USH2A: variants seen among roughly 807,000 people sequenced by gnomAD.
USH2A encodes the protein usherin.
A neutral mutation model predicts 538.9 loss-of-function variants in USH2A; 443 were observed. The observed-to-expected ratio is 0.82, with a 90% CI of 0.76 to 0.89. USH2A has a LOEUF of 0.89. Ranked by LOEUF, USH2A falls within the 40% of genes least tolerant of loss-of-function variation. The probability of loss-of-function intolerance (pLI) is 0.00; values close to 1 mark genes in which losing one functional copy is unlikely to be tolerated. For synonymous variants in USH2A, 2,413 were observed against 2,273.5 expected (o/e 1.06, Z -1.75); for missense variants, 6,633 against 6,324.8 (o/e 1.05, Z -1.65).
chr1:215,702,323 C>G (rs1389226278), intron 61 of USH2A, among the ~76,000 whole-genome samples: 1 of 152,052 alleles, frequency 6.6e-6, no homozygotes, highest in African/African-American at 2.4e-5. Context: ...TGAGGAGTAT[C>G]TTTGTAGTGT....
chr1:216,310,954 G>A (rs1558032488), intron 9 of USH2A, among the ~76,000 whole-genome samples: 1 of 152,124 alleles, frequency 6.6e-6, no homozygotes, highest in African/African-American at 2.4e-5. Context: ...TATAGGGGGC[G>A]CTTTAAGCCC....
intron 4 of USH2A, among the ~76,000 whole-genome samples, chr1:216,361,527 A>C (rs1260485650): frequency 6.6e-6 from 1 of 152,162 alleles, no homozygotes; most frequent in Non-Finnish European, 1.5e-5. Context: ...CATATTCAAA[A>C]TATGGAAGAC....
chr1:216,365,113 T>G, intron 3 of USH2A, 28 bp from the exon 4 acceptor site: 1 of 1,599,290 alleles, frequency 6.3e-7, no homozygotes, highest in Non-Finnish European at 8.5e-7. Context: ...CATTATTAGT[T>G]TAAGTGCATA....
At chr1:216,211,919 C>T (rs1215600507) in intron 15 of USH2A, among the ~76,000 whole-genome samples, 1 of 152,038 alleles carries the variant, frequency 6.6e-6, no homozygotes, top group Non-Finnish European at 1.5e-5. Flanking sequence ...GCCTCATTTA[C>T]AGCACTCTCA....
intron 20 of USH2A, among the ~76,000 whole-genome samples, chr1:216,177,292 AT>A (rs2034407056): frequency 6.6e-6 from 1 of 151,910 alleles, no homozygotes; most frequent in East Asian, 1.9e-4. Flanking sequence ...TTTAATTTGC[AT>A]TTCCCTTTAT....
rs537448174 is a variant in USH2A, at chr1:216,107,126, AATGT to A, written c.4628-9917_4628-9914del. Among the ~76,000 whole-genome samples the A allele has an allele frequency of 2.2e-3, 327 of 152,008 alleles. 2 individuals carry two copies. The highest frequency in any genetic ancestry group is 3.6e-3 in the Non-Finnish European group (247 of 67,784). ...ATAGCTATTTTCCAGTTTTGTATAG[AATGT>A]ACAATAACTGTCACTGAAGTTTGTT... On this transcript the variant is annotated intron_variant, in intron 21 of 71. Transcript: ENST00000307340.
intron 37 of USH2A, among the ~76,000 whole-genome samples, chr1:215,951,840 G>GTTTATTTTTTTTATTT (rs1338456798): frequency 6.6e-6 from 1 of 151,686 alleles, no homozygotes; most frequent in Admixed American, 6.6e-5. Flanking sequence ...ATCTTTGTTG[G>GTTTATTTTTTTTATTT]TTTATTTTTT....
At chr1:215,769,193 G>A (rs1311306502) in intron 55 of USH2A, among the ~76,000 whole-genome samples, 1 of 152,106 alleles carries the variant, frequency 6.6e-6, no homozygotes, top group Admixed American at 6.6e-5. Flanking sequence ...ATGTAAATAT[G>A]GTAGCTAAAA....
At chr1:216,120,352 C>T (rs982553145) in intron 21 of USH2A, among the ~76,000 whole-genome samples, 33 of 146,704 alleles carry the variant, frequency 2.2e-4, no homozygotes, top group African/African-American at 7.9e-4. Flanking sequence ...CTGGCCAACA[C>T]GGTGAAACCC....
At chr1:215,937,023 T>A (rs1431979126) in intron 37 of USH2A, among the ~76,000 whole-genome samples, 1 of 152,088 alleles carries the variant, frequency 6.6e-6, no homozygotes, top group Non-Finnish European at 1.5e-5. Context: ...AAATCTACTG[T>A]TACAAAATAC....
At position 216,335,736 on chromosome 1, in the gene USH2A, A is replaced by T. The variant is rs2037957052; in HGVS notation, c.785-8082T>A. 3.3e-5 allele frequency among the ~76,000 whole-genome samples: 5 copies of T among 151,556 alleles called. No individual in the cohort carries two copies. In the South Asian group the frequency reaches 1.0e-3, roughly 31 times the overall value. On this transcript the variant is annotated intron_variant, in intron 4 of 71. Transcript: ENST00000307340. ...AAACTGACTTAAGAAGAAATTAGCAATCTGAATAGATCTATACCACTAAAA... is the reference window on the plus strand; with the variant it reads ...AAACTGACTTAAGAAGAAATTAGCATTCTGAATAGATCTATACCACTAAAA...
chr1:215,732,919 C>T (rs2102718093), intron 60 of USH2A, among the ~76,000 whole-genome samples: 1 of 152,156 alleles, frequency 6.6e-6, no homozygotes, highest in South Asian at 2.1e-4. Context: ...AAAGTCTTTT[C>T]CTTGCTTTTC....
intron 37 of USH2A, among the ~76,000 whole-genome samples, chr1:215,964,949 T>G (rs1667300720): frequency 6.6e-6 from 1 of 152,206 alleles, no homozygotes; most frequent in Admixed American, 6.6e-5. Context: ...CACGATGTTT[T>G]AGGTTTGAAC....
At chr1:215,891,608 T>C (rs1469845540) in intron 40 of USH2A, among the ~76,000 whole-genome samples, 1 of 152,216 alleles carries the variant, frequency 6.6e-6, no homozygotes, top group Non-Finnish European at 1.5e-5. Flanking sequence ...TAGCTATCAC[T>C]TTCTAAAGTA....
intron 15 of USH2A, among the ~76,000 whole-genome samples, chr1:216,215,017 A>G (rs1572057934): frequency 6.6e-6 from 1 of 152,238 alleles, no homozygotes; most frequent in Non-Finnish European, 1.5e-5. Context: ...TGAAAGCATG[A>G]TACCAATATT....
intron 61 of USH2A, 115 bp from the exon 62 acceptor site, chr1:215,680,491 A>ACG: frequency 1.0e-6 from 1 of 960,844 alleles, no homozygotes; most frequent in East Asian, 2.4e-5. Context: ...AGCAGCGCAA[A>ACG]CACTACAGCA....
Position 215,674,937 on chromosome 1 carries a change from G to T in USH2A, c.12974C>A (p.Pro4325His). The change falls in exon 63 of 72, where the codon CCT becomes CAT. Residue 4325 changes from proline to histidine, a missense_variant. By Grantham distance (77) the Pro-to-His change is moderately conservative (BLOSUM62 -2). Coordinates refer to ENST00000307340, the MANE Select transcript of USH2A (RefSeq NM_206933.4). The part of the protein sequence containing the change: ...TFNYTDEELL[P>H]FSTYSYALQA... Reference sequence around the variant, plus strand: ...GAGTGCATAGCTATAGGTGGAAAAAGGAAGAAGCTCTTCATCAGTGTAATT... The same window carrying T: ...GAGTGCATAGCTATAGGTGGAAAAATGAAGAAGCTCTTCATCAGTGTAATT... 6.2e-7 allele frequency: 1 copy of T among 1,614,140 alleles called. No homozygotes were observed. The highest frequency in any genetic ancestry group is 1.3e-5 in the African/African-American group (1 of 75,032).
chr1:216,360,743 T>C (rs974454793), intron 4 of USH2A, among the ~76,000 whole-genome samples: 2 of 152,054 alleles, frequency 1.3e-5, no homozygotes, highest in Non-Finnish European at 1.5e-5. Flanking sequence ...ATGAATATGT[T>C]TGAACAAGTC....
At chr1:215,827,193 G>A (rs1267339469) in intron 47 of USH2A, among the ~76,000 whole-genome samples, 2 of 152,136 alleles carry the variant, frequency 1.3e-5, no homozygotes, top group African/African-American at 4.8e-5. Flanking sequence ...GCAAGGTAGG[G>A]AGTCTTTTTC....
Sources: allele counts gnomAD v4.1 joint callset (sites outside exome capture counted in the v4.1 genomes callset), GRCh38; gene constraint gnomAD v4.1.1; transcripts MANE v1.5; gene names NCBI Gene and HGNC (gene_info 2026-07-23, HGNC 2026-07-21).